Variants in PARD3B observed in about 807,000 individuals in gnomAD.
The protein encoded by PARD3B is partitioning defective 3 homolog B.
A neutral mutation model predicts 130.2 loss-of-function variants in PARD3B; 103 were observed. The ratio of observed to expected loss-of-function variants is 0.79; its 90% CI spans 0.67 to 0.93. The LOEUF (loss-of-function observed/expected upper bound fraction) is 0.93, where lower values mean the gene tolerates loss of function less well. Ranked by LOEUF, PARD3B falls within the 40% of genes least tolerant of loss-of-function variation. The probability of loss-of-function intolerance (pLI) is 0.00; values close to 1 mark genes in which losing one functional copy is unlikely to be tolerated. For missense variants in PARD3B, 1,609 were observed against 1,499.2 expected (o/e 1.07, Z -1.21); for synonymous variants, 583 against 553.2 (o/e 1.05, Z -0.76).
chr2:204,898,945 T>G (rs1308401405), intron 2 of PARD3B, among the ~76,000 whole-genome samples: 1 of 152,208 alleles, frequency 6.6e-6, no homozygotes, highest in Non-Finnish European at 1.5e-5. Flanking sequence ...CTACTCCTGC[T>G]CATTTTTGTC....
At chr2:204,685,293 C>CT (rs935914040) in intron 1 of PARD3B, among the ~76,000 whole-genome samples, 3 of 152,098 alleles carry the variant, frequency 2.0e-5, no homozygotes, top group Non-Finnish European at 4.4e-5. Flanking sequence ...CTTTCTAAGA[C>CT]TCACAGAACC....
intron 19 of PARD3B, among the ~76,000 whole-genome samples, chr2:205,406,826 A>G (rs2046431543): frequency 6.6e-6 from 1 of 151,918 alleles, no homozygotes; most frequent in Admixed American, 6.6e-5. Flanking sequence ...ACGCGCCACC[A>G]TGCCCAGCTA....
intron 3 of PARD3B, among the ~76,000 whole-genome samples, chr2:205,017,837 C>T (rs1696268802): frequency 6.6e-6 from 1 of 152,124 alleles, no homozygotes; most frequent in Non-Finnish European, 1.5e-5. Flanking sequence ...ATTGACAGAA[C>T]AGTGAGGTCA....
intron 3 of PARD3B, among the ~76,000 whole-genome samples, chr2:205,025,593 A>G (rs573267166): frequency 1.3e-5 from 2 of 152,044 alleles, no homozygotes; most frequent in African/African-American, 4.8e-5. Context: ...CAGATTCTCT[A>G]TCTTGGTTTA....
chr2:204,883,660 G>A (rs983126649), intron 2 of PARD3B, among the ~76,000 whole-genome samples: 3 of 151,310 alleles, frequency 2.0e-5, no homozygotes, highest in Non-Finnish European at 4.4e-5. Context: ...TGGCCAGGCT[G>A]GTCTCGAACT....
chr2:204,816,326 T>C (rs2043145895), intron 2 of PARD3B, among the ~76,000 whole-genome samples: 1 of 151,960 alleles, frequency 6.6e-6, no homozygotes, highest in Admixed American at 6.6e-5. Flanking sequence ...TTTGCCTATG[T>C]CTTACCAAAT....
At chr2:205,425,706 G>T (rs554619418) in intron 19 of PARD3B, among the ~76,000 whole-genome samples, 1 of 152,046 alleles carries the variant, frequency 6.6e-6, no homozygotes, top group South Asian at 2.1e-4. Flanking sequence ...CTGAGTCCAC[G>T]CCTGACTCTC....
At chr2:205,541,879 C>G (rs1316882458) in intron 21 of PARD3B, among the ~76,000 whole-genome samples, 1 of 151,860 alleles carries the variant, frequency 6.6e-6, no homozygotes, top group Admixed American at 6.6e-5. Context: ...CACGGTGGCT[C>G]ACACCTGTAA....
In PARD3B at chr2:205,274,622, ACTTT is replaced by A. The variant is rs1338207690; in HGVS notation, c.2186-25905_2186-25902del. On this transcript the variant is annotated intron_variant, in intron 16 of 22. Transcript: ENST00000406610. This position sits in a 1 kb window ranked among gnomAD's most constrained non-coding sequence, Gnocchi z 4.2. ...ATTTTTTTATAAATCATTTCTACTTACTTTCTATCTGAATATTATCTATCTGAAT... is the reference window on the plus strand; with the variant it reads ...ATTTTTTTATAAATCATTTCTACTTACTATCTGAATATTATCTATCTGAAT... 5.9e-5 allele frequency among the ~76,000 whole-genome samples: 9 copies of A among 152,090 alleles called. No individual in the cohort carries two copies. The South Asian group carries it at 6.2e-4, about 11-fold the overall frequency.
At chr2:205,005,212 G>T (rs1238188112) in intron 3 of PARD3B, among the ~76,000 whole-genome samples, 1 of 151,500 alleles carries the variant, frequency 6.6e-6, no homozygotes, top group South Asian at 2.1e-4. Flanking sequence ...ATACACACAT[G>T]TACACAAAAA....
At chr2:204,815,671 T>C (rs2043119938) in intron 2 of PARD3B, among the ~76,000 whole-genome samples, 1 of 152,002 alleles carries the variant, frequency 6.6e-6, no homozygotes, top group African/African-American at 2.4e-5. Context: ...AGTTTCCTTC[T>C]AAGTGCTGCT....
Position 205,287,189 on chromosome 2 carries a change from G to C in PARD3B, c.2186-13341G>C, listed in dbSNP as rs2041427984. The stretch of plus-strand genomic sequence containing the variant: ...GTGTCCGACCTGAGCAGAAACAACT[G>C]GTGGTAACATGGATTGTTATGTGGA... On this transcript the variant is annotated intron_variant, in intron 16 of 22. Transcript: ENST00000406610. The surrounding 1 kb of genome is among the most constrained non-coding windows in gnomAD (Gnocchi z 4.8). Among the ~76,000 whole-genome samples the C allele has an allele frequency of 6.6e-6, 1 of 152,160 alleles. No homozygotes were observed. Among genetic ancestry groups the C allele is most frequent in the African/African-American group, 2.4e-5 (1 of 41,408 alleles).
intron 4 of PARD3B, among the ~76,000 whole-genome samples, chr2:205,073,252 G>A (rs1427638481): frequency 6.6e-6 from 1 of 152,086 alleles, no homozygotes; most frequent in Non-Finnish European, 1.5e-5. Flanking sequence ...TGTGTAAACA[G>A]CAGTTTTCCT....
chr2:205,185,679 C>T, intron 13 of PARD3B, 85 bp from the exon 14 acceptor site: 11 of 1,081,982 alleles, frequency 1.0e-5, no homozygotes, highest in South Asian at 5.2e-5. Context: ...GCTAAAACTG[C>T]GTCTGAGAGA....
In PARD3B at chr2:205,269,905, T is replaced by C. The variant is rs1043826256; in HGVS notation, c.2185+24083T>C. On this transcript the variant is annotated intron_variant, in intron 16 of 22. Coordinates refer to ENST00000406610, the MANE Select transcript of PARD3B (RefSeq NM_001302769.2). This position sits in a 1 kb window ranked among gnomAD's most constrained non-coding sequence, Gnocchi z 4.7. The stretch of plus-strand genomic sequence containing the variant: ...CCAATATCAGTATAACATGTAATTT[T>C]TTCCCTAGAATACAGCAAATAATAA... 6.6e-6 allele frequency among the ~76,000 whole-genome samples: 1 copy of C among 152,156 alleles called. No homozygotes were observed. Among genetic ancestry groups the C allele is most frequent in the Non-Finnish European group, 1.5e-5 (1 of 68,032 alleles).
At chr2:205,027,372 T>C (rs575945537) in intron 3 of PARD3B, among the ~76,000 whole-genome samples, 1 of 152,194 alleles carries the variant, frequency 6.6e-6, no homozygotes, top group Non-Finnish European at 1.5e-5. Context: ...TTGAAAAAAA[T>C]GTCTATTCAT....
intron 15 of PARD3B, among the ~76,000 whole-genome samples, chr2:205,202,500 T>A (rs2037050616): frequency 6.6e-6 from 1 of 152,234 alleles, no homozygotes; most frequent in South Asian, 2.1e-4. Flanking sequence ...TGTACTTTTA[T>A]AATGCTTCAT....
chr2:205,430,992 G>C (rs537649433), intron 19 of PARD3B, among the ~76,000 whole-genome samples: 25 of 152,236 alleles, frequency 1.6e-4, no homozygotes, highest in Admixed American at 9.2e-4. Flanking sequence ...ATATGCCTTT[G>C]GAAGTATGTA....
chr2:205,300,562 G>C lies in PARD3B; in HGVS notation c.2218G>C (p.Gly740Arg). Residue 740 changes from glycine (G) to arginine (R), a missense_variant, in exon 17 of 23, where the codon GGT becomes CGT. Physicochemically the swap from Gly to Arg is moderately radical, Grantham distance 125. Transcript: ENST00000406610. This position sits in a 1 kb window ranked among gnomAD's most constrained non-coding sequence, Gnocchi z 4.1. ...AAGCAAAGATTTTGGTCCAACTCTG[G>C]GTTTGAAAAAGTCCAGCTCCTTGGA... ...SPSKDFGPTL[G>R]LKKSSSLESL... 2 of 1,613,798 alleles carry C rather than the reference G, an allele frequency of 1.2e-6. No homozygotes were observed. The highest frequency in any genetic ancestry group is 2.2e-5 in the East Asian group (1 of 44,872).
Sources: allele counts gnomAD v4.1 joint callset (sites outside exome capture counted in the v4.1 genomes callset), GRCh38; gene constraint gnomAD v4.1.1; non-coding constraint Gnocchi (gnomAD v3.1); transcripts MANE v1.5; gene names NCBI Gene and HGNC (gene_info 2026-07-23, HGNC 2026-07-21).